The following CHST3 variants were observed in gnomAD, a reference collection of about 807,000 sequenced individuals.
The protein encoded by CHST3 is C6ST-1.
Under a neutral mutation model 35.4 loss-of-function variants are expected in CHST3, and 20 were observed. The observed-to-expected ratio is 0.57, with a 90% CI of 0.40 to 0.82. The LOEUF (loss-of-function observed/expected upper bound fraction) is 0.82. Among genes scored for constraint, CHST3 ranks in the 40% least tolerant of loss-of-function variants. CHST3 has a pLI of 0.00. For missense variants in CHST3, 693 were observed against 670.1 expected, an observed-to-expected ratio of 1.03 and a Z score of -0.38; for synonymous variants, 334 against 295.9, an observed-to-expected ratio of 1.13 and a Z score of -1.32.
intron 1 of CHST3, among the ~76,000 whole-genome samples, chr10:71,976,398 C>T (rs533284684): frequency 3.3e-5 from 5 of 152,266 alleles, no homozygotes; most frequent in Non-Finnish European, 4.4e-5. Flanking sequence ...CCTTTTAACG[C>T]GTGTATCAGT....
chr10:71,970,289 G>A (rs1389932525), intron 1 of CHST3, among the ~76,000 whole-genome samples: 1 of 152,172 alleles, frequency 6.6e-6, no homozygotes. Context: ...GCTGTGTGCT[G>A]AGGGACTGTG....
intron 1 of CHST3, among the ~76,000 whole-genome samples, chr10:71,974,719 G>GCT (rs765901464): frequency 1.1e-4 from 17 of 152,162 alleles, no homozygotes; most frequent in Non-Finnish European, 2.2e-4. Context: ...TGCCCTCTAT[G>GCT]GTTCTCCTGA....
rs1173461637 is a variant in CHST3, at chr10:72,009,195, C to T, written c.*724C>T. ...CAAGCTTCCTCGCTGCTTATGCCCA[C>T]AGGGTTTTTCTGTATGACACACCTC... On this transcript the variant is annotated 3_prime_UTR_variant, in exon 3 of 3. Coordinates refer to ENST00000373115, the MANE Select transcript of CHST3 (RefSeq NM_004273.5). 6.6e-6 allele frequency: 1 copy of T among 152,260 alleles called. No individual in the cohort carries two copies. Among genetic ancestry groups the T allele is most frequent in the Non-Finnish European group, 1.5e-5 (1 of 68,070 alleles). The allele number at this position is 152,260 out of a possible 1,614,324, so 9.4% of individuals were successfully genotyped here.
At chr10:71,969,669 C>T (rs771971545) in intron 1 of CHST3, among the ~76,000 whole-genome samples, 10 of 152,182 alleles carry the variant, frequency 6.6e-5, no homozygotes, top group African/African-American at 2.2e-4. Flanking sequence ...GTGACCAGGA[C>T]GGAAGTTGGG....
chr10:72,001,528 C>A lies in CHST3; in HGVS notation c.-107-4208C>A, dbSNP rs151229579. 5.2e-3 allele frequency among the ~76,000 whole-genome samples: 791 copies of A among 151,942 alleles called. 8 individuals carry two copies. Among genetic ancestry groups the A allele is most frequent in the African/African-American group, 0.018 (758 of 41,414 alleles). On this transcript the variant is annotated intron_variant, in intron 1 of 2. Coordinates refer to ENST00000373115, the MANE Select transcript of CHST3 (RefSeq NM_004273.5). The stretch of plus-strand genomic sequence containing the variant: ...TACTCTGGGTGCCTAGGCTGGGGTA[C>A]AATGGCATGATCTCGGCTCACTGCA...
rs892823705 is a variant in CHST3, at chr10:71,995,866, C to T, written c.-107-9870C>T. Among the ~76,000 whole-genome samples, 11 of 152,020 alleles carry T rather than the reference C, an allele frequency of 7.2e-5. No homozygotes were observed. The East Asian group carries it at 1.2e-3, about 16-fold the overall frequency. On this transcript the variant is annotated intron_variant, in intron 1 of 2. Coordinates refer to ENST00000373115, the MANE Select transcript of CHST3 (RefSeq NM_004273.5). Reference sequence around the variant, plus strand: ...AATAATGAAAAAATCTGCACTATTGCGAAAATTACCAAAATGTGACACAGA... The same window carrying T: ...AATAATGAAAAAATCTGCACTATTGTGAAAATTACCAAAATGTGACACAGA...
At chr10:71,986,370 C>A (rs567072837) in intron 1 of CHST3, among the ~76,000 whole-genome samples, 1 of 152,350 alleles carries the variant, frequency 6.6e-6, no homozygotes, top group Non-Finnish European at 1.5e-5. Context: ...GATTTGTAAA[C>A]TTCTCTGGAT....
intron 1 of CHST3, among the ~76,000 whole-genome samples, chr10:71,997,095 G>A (rs1839948810): frequency 6.6e-6 from 1 of 152,024 alleles, no homozygotes; most frequent in Non-Finnish European, 1.5e-5. Flanking sequence ...ATTTTCAAGT[G>A]TACAGTTCAG....
At chr10:72,004,461 G>C (rs1351815053) in intron 1 of CHST3, among the ~76,000 whole-genome samples, 5 of 152,176 alleles carry the variant, frequency 3.3e-5, no homozygotes, top group Admixed American at 6.5e-5. Flanking sequence ...AGACCTGAAG[G>C]CTGAGGCCAT....
chr10:71,998,752 T>C (rs1839964873), intron 1 of CHST3, among the ~76,000 whole-genome samples: 1 of 152,218 alleles, frequency 6.6e-6, no homozygotes, highest in Admixed American at 6.5e-5. Context: ...TGACACACCT[T>C]TGCCTGCTTC....
chr10:71,974,637 G>C (rs905168665), intron 1 of CHST3, among the ~76,000 whole-genome samples: 2 of 152,176 alleles, frequency 1.3e-5, no homozygotes, highest in African/African-American at 4.8e-5. Flanking sequence ...TCATAGCCCA[G>C]GGCAAACCAT....
rs370007674 is a variant in CHST3, at chr10:72,010,583, CTT to C, written c.*2113_*2114del. 236 of 152,318 alleles carry C rather than the reference CTT, an allele frequency of 1.5e-3. No individual in the cohort carries two copies. The highest frequency in any genetic ancestry group is 5.3e-3 in the African/African-American group (222 of 41,560). The allele number at this position is 152,318 out of a possible 1,614,324, so 9.4% of individuals were successfully genotyped here. A position where few individuals can be genotyped will look rare whatever the true frequency, so the allele number is the denominator to read the frequency against. Reference sequence around the variant, plus strand: ...CCAGTCATTCAAGGAGGTCTCCACTCTTGGGTTTTTTTTATTTTCTTTTCTTT... The same window carrying C: ...CCAGTCATTCAAGGAGGTCTCCACTCGGGTTTTTTTTATTTTCTTTTCTTT... On this transcript the variant is annotated 3_prime_UTR_variant, in exon 3 of 3. Coordinates refer to ENST00000373115, the MANE Select transcript of CHST3 (RefSeq NM_004273.5).
At chr10:72,002,320 G>A (rs886840222) in intron 1 of CHST3, among the ~76,000 whole-genome samples, 3 of 152,226 alleles carry the variant, frequency 2.0e-5, no homozygotes. Context: ...CTGGAAGGGA[G>A]GGAAGGAGAA....
At chr10:71,991,551 C>T (rs1839896811) in intron 1 of CHST3, among the ~76,000 whole-genome samples, 1 of 152,186 alleles carries the variant, frequency 6.6e-6, no homozygotes, top group African/African-American at 2.4e-5. Context: ...AGAGGTATTG[C>T]AGGTTCAGTT....
At position 71,978,711 on chromosome 10, in the gene CHST3, G is replaced by A. The variant is rs1839771000; in HGVS notation, c.-108+14017G>A. On this transcript the variant is annotated intron_variant, in intron 1 of 2. Transcript: ENST00000373115. ...GGCACAGGAGCCTGCCTGGTAAGCA[G>A]CCCATGTCTAAAGGGCAGTGAAGAA... Among the ~76,000 whole-genome samples the A allele has an allele frequency of 3.3e-5, 5 of 152,324 alleles. No individual in the cohort carries two copies. The South Asian group carries it at 1.0e-3, about 32-fold the overall frequency.
At chr10:71,997,162 C>T (rs1839949556) in intron 1 of CHST3, among the ~76,000 whole-genome samples, 3 of 152,174 alleles carry the variant, frequency 2.0e-5, no homozygotes, top group African/African-American at 7.2e-5. Context: ...CACTGCAGAA[C>T]CCCTTTCATC....
chr10:71,967,567 T>C (rs1017216699), intron 1 of CHST3, among the ~76,000 whole-genome samples: 2 of 152,236 alleles, frequency 1.3e-5, no homozygotes, highest in African/African-American at 4.8e-5. Context: ...CTTTATCTGG[T>C]CTACCGTTGA....
chr10:71,969,691 G>C (rs917668518), intron 1 of CHST3, among the ~76,000 whole-genome samples: 1 of 152,214 alleles, frequency 6.6e-6, no homozygotes, highest in Admixed American at 6.5e-5. Context: ...GACTGGGTGT[G>C]GGGAGAAGCC....
In CHST3 at chr10:72,007,959, C is replaced by A; in HGVS notation, c.928C>A (p.Arg310Ser). The A allele has an allele frequency of 3.2e-6, 5 of 1,549,500 alleles. No homozygotes were observed. The highest frequency in any genetic ancestry group is 1.4e-5 in the African/African-American group (1 of 73,136). ...CGACCCCCGGGCCGTGCTGGCCTCG[C>A]GCATGGTGGCCTTCGCCGGCAAGTA... ...VRDPRAVLASRMVAFAGKYKT... is the reference protein window; with the variant it reads ...VRDPRAVLASSMVAFAGKYKT... The change falls in exon 3 of 3, where the codon CGC (arginine) becomes AGC (serine). Residue 310 changes from arginine to serine, a missense_variant. By Grantham distance (110) the Arg-to-Ser change is moderately radical. Transcript: ENST00000373115.
Sources: allele counts gnomAD v4.1 joint callset (sites outside exome capture counted in the v4.1 genomes callset), GRCh38; gene constraint gnomAD v4.1.1; transcripts MANE v1.5; gene names NCBI Gene and HGNC (gene_info 2026-07-23, HGNC 2026-07-21).